IL17RA: variants seen among roughly 807,000 people sequenced by gnomAD.
IL17RA encodes interleukin 17 receptor A.
IL17RA carries 34 observed loss-of-function variants against 50.4 expected under a neutral mutation model. The observed-to-expected ratio is 0.67, with a 90% CI of 0.51 to 0.90. The LOEUF (loss-of-function observed/expected upper bound fraction) is 0.90. Among genes scored for constraint, IL17RA ranks in the 40% least tolerant of loss-of-function variants. The probability of loss-of-function intolerance (pLI) is 0.00; values close to 1 mark genes in which losing one functional copy is unlikely to be tolerated. For synonymous variants in IL17RA, 585 were observed against 510.4 expected, an observed-to-expected ratio of 1.15 and a Z score of -1.97; for missense variants, 1,276 against 1,169.8, an observed-to-expected ratio of 1.09 and a Z score of -1.32.
intron 7 of IL17RA, 101 bp from the exon 8 acceptor site, chr22:17,103,393 G>T: frequency 1.1e-6 from 1 of 893,570 alleles, no homozygotes; most frequent in Non-Finnish European, 1.8e-6. Context: ...TTCCTAAGGG[G>T]TGCTCTGGAC....
At position 17,087,437 on chromosome 22, in the gene IL17RA, C is replaced by T. The variant is rs763789793; in HGVS notation, c.138+2208C>T. On this transcript the variant is annotated intron_variant, in intron 1 of 12. Transcript: ENST00000319363. ...GTTCGATTTAGCCTTCCATAACTAT[C>T]CTCAGACAGGGAGGAGGCTTCTGCA... 1.8e-3 allele frequency among the ~76,000 whole-genome samples: 270 copies of T among 152,358 alleles called. 2 individuals are homozygous for T. Among genetic ancestry groups the T allele is most frequent in the Non-Finnish European group, 1.9e-3 (128 of 68,034 alleles).
In IL17RA at chr22:17,100,416, A is replaced by G; in HGVS notation, c.485A>G (p.His162Arg). The change falls in exon 5 of 13, where the codon CAC becomes CGC. Residue 162 changes from histidine (H) to arginine (R), a missense_variant. Physicochemically the swap from His to Arg is conservative, Grantham distance 29. Transcript: ENST00000319363. ...DPDQEYEVTVHHLPKPIPDGD... is the reference protein window; with the variant it reads ...DPDQEYEVTVRHLPKPIPDGD... Reference sequence around the variant, plus strand: ...GACCAGGAATATGAGGTGACCGTTCACCACCTGCCCAAGCCCATCCCTGAT... The same window carrying G: ...GACCAGGAATATGAGGTGACCGTTCGCCACCTGCCCAAGCCCATCCCTGAT... The G allele has an allele frequency of 6.2e-7, 1 of 1,614,104 alleles. No individual in the cohort carries two copies. The highest frequency in any genetic ancestry group is 8.5e-7 in the Non-Finnish European group (1 of 1,180,002).
chr22:17,093,452 C>T (rs1213091100), intron 1 of IL17RA, among the ~76,000 whole-genome samples: 6 of 152,190 alleles, frequency 3.9e-5, no homozygotes, highest in Admixed American at 2.0e-4. Context: ...CTGAGGGGCC[C>T]CTGGCCTCCT....
chr22:17,100,787 G>C (rs2061388248), intron 5 of IL17RA, among the ~76,000 whole-genome samples: 1 of 152,136 alleles, frequency 6.6e-6, no homozygotes, highest in Non-Finnish European at 1.5e-5. Flanking sequence ...CCAGAAAATA[G>C]CATAAAGGCA....
chr22:17,101,363 G>A lies in IL17RA; in HGVS notation c.551-633G>A, dbSNP rs41518045. 2.1e-3 allele frequency among the ~76,000 whole-genome samples: 321 copies of A among 152,272 alleles called. 1 individual carries two copies. The highest frequency in any genetic ancestry group is 6.3e-3 in the African/African-American group (260 of 41,548). ...TCCTGGGACCACCCTGCACACACGC[G>A]TGCACACACACTCTGTGCTTACCCT... is the stretch of plus-strand genomic sequence containing the variant. On this transcript the variant is annotated intron_variant, in intron 5 of 12. Coordinates refer to ENST00000319363, the MANE Select transcript of IL17RA (RefSeq NM_014339.7).
Position 17,109,690 on chromosome 22 carries a change from C to G in IL17RA, c.2471C>G (p.Pro824Arg), listed in dbSNP as rs749236026. The change falls in exon 13 of 13, where the codon CCG (proline) becomes CGG (arginine). Residue 824 changes from proline to arginine, a missense_variant. Physicochemically the swap from Pro to Arg is moderately radical, Grantham distance 103. Coordinates refer to ENST00000319363, the MANE Select transcript of IL17RA (RefSeq NM_014339.7). ...EEEEEQDPGK[P>R]ALPLSPEDLE... ...GAAGAGGAGCAGGACCCAGGGAAGC[C>G]GGCCCTGCCACTCTCTCCCGAGGAC... The G allele has an allele frequency of 6.3e-7, 1 of 1,578,048 alleles. No individual in the cohort carries two copies. The highest frequency in any genetic ancestry group is 2.3e-5 in the East Asian group (1 of 43,194).
intron 12 of IL17RA, 96 bp downstream of exon 12, chr22:17,107,864 C>A: frequency 1.8e-6 from 2 of 1,091,258 alleles, no homozygotes; most frequent in South Asian, 1.3e-5. Context: ...CTCTAACTCC[C>A]AAGTCCCTTC....
intron 5 of IL17RA, 141 bp downstream of exon 5, chr22:17,100,622 G>A: frequency 9.2e-7 from 1 of 1,083,736 alleles, no homozygotes; most frequent in Non-Finnish European, 1.4e-6. Context: ...ACAAACAGAG[G>A]CCAAGACTGG....
chr22:17,114,225 G>C lies in IL17RA; in HGVS notation c.*4405G>C, dbSNP rs1248188976. The C allele has an allele frequency of 6.6e-6, 1 of 152,226 alleles. No homozygotes were observed. Among genetic ancestry groups the C allele is most frequent in the Non-Finnish European group, 1.5e-5 (1 of 68,108 alleles). 9.4% of individuals were successfully genotyped at this position (152,226 alleles called of 1,614,324 possible). A position where few individuals can be genotyped will look rare whatever the true frequency, so the allele number is the denominator to read the frequency against. On this transcript the variant is annotated 3_prime_UTR_variant, in exon 13 of 13. Transcript: ENST00000319363. ...ATTCTGTACCCGACGCTTTCCCCACGGGGCCTCCCCTCACTCTGAAATGGC... is the reference window on the plus strand; with the variant it reads ...ATTCTGTACCCGACGCTTTCCCCACCGGGCCTCCCCTCACTCTGAAATGGC...
At chr22:17,100,274 T>C in intron 4 of IL17RA, 81 bp from the exon 5 acceptor site, 3 of 1,553,446 alleles carry the variant, frequency 1.9e-6, no homozygotes, top group Non-Finnish European at 2.7e-6. Flanking sequence ...CGGGAGTGGG[T>C]GGGAACGGGG....
Position 17,107,764 on chromosome 22 carries a change from C to A in IL17RA, c.1083C>A (p.Tyr361Ter). ...AAAAATACAGTGATGACACCAAATA[C>A]ACCGGTCAGTATTTCCTGGTTTGCA... Reference protein sequence around the residue: ...GSEKYSDDTKYTDGLPAADLI... With the variant: ...GSEKYSDDTK The change falls in exon 12 of 13, where the codon TAC becomes TAA. Residue 361 changes from tyrosine (Y) to a stop codon, truncating the protein, a stop_gained. Transcript: ENST00000319363. LOFTEE classifies it low-confidence loss of function (END_TRUNC). 6.2e-7 allele frequency: 1 copy of A among 1,613,560 alleles called. No individual in the cohort carries two copies. The highest frequency in any genetic ancestry group is 8.5e-7 in the Non-Finnish European group (1 of 1,179,430).
At position 17,088,440 on chromosome 22, in the gene IL17RA, TC is replaced by T. The variant is rs1347339195; in HGVS notation, c.138+3214del. Among the ~76,000 whole-genome samples, 3 of 152,176 alleles carry T rather than the reference TC, an allele frequency of 2.0e-5. No individual in the cohort carries two copies. The South Asian group carries it at 6.2e-4, about 32-fold the overall frequency. Reference sequence around the variant, plus strand: ...TTCAAGCAATTCTTGTGCCTCAGCCTCCCGAGTCATTGGGATTACAGGCGCC... The same window carrying T: ...TTCAAGCAATTCTTGTGCCTCAGCCTCCGAGTCATTGGGATTACAGGCGCC... On this transcript the variant is annotated intron_variant, in intron 1 of 12. Coordinates refer to ENST00000319363, the MANE Select transcript of IL17RA (RefSeq NM_014339.7).
At chr22:17,093,428 A>G (rs1412666690) in intron 1 of IL17RA, among the ~76,000 whole-genome samples, 3 of 152,192 alleles carry the variant, frequency 2.0e-5, no homozygotes, top group Non-Finnish European at 4.4e-5. Flanking sequence ...CTAAGCCCTG[A>G]ACGTTATAAG....
intron 1 of IL17RA, among the ~76,000 whole-genome samples, chr22:17,096,347 A>G (rs2061368005): frequency 6.6e-6 from 1 of 152,176 alleles, no homozygotes; most frequent in African/African-American, 2.4e-5. Context: ...AGGGCCTGGC[A>G]TACTTTACCT....
chr22:17,086,905 G>A (rs1437981940), intron 1 of IL17RA, among the ~76,000 whole-genome samples: 1 of 152,224 alleles, frequency 6.6e-6, no homozygotes, highest in Non-Finnish European at 1.5e-5. Flanking sequence ...GCGGGGATGG[G>A]ACTCTGCTGT....
Position 17,100,390 on chromosome 22 carries a change from T to A in IL17RA, c.459T>A (p.Pro153=). 6.2e-7 allele frequency: 1 copy of A among 1,614,150 alleles called. No homozygotes were observed. The highest frequency in any genetic ancestry group is 8.5e-7 in the Non-Finnish European group (1 of 1,180,010). ...CCTTCAGCCACTTTGTGGTTGACCC[T>A]GACCAGGAATATGAGGTGACCGTTC... ...RFTFSHFVVD[P]DQEYEVTVHH... The change falls in exon 5 of 13, where the codon CCT becomes CCA. Residue 153 remains proline, a synonymous_variant. Transcript: ENST00000319363.
chr22:17,085,002 C>T lies in IL17RA; in HGVS notation c.-90C>T. 8.0e-7 allele frequency: 1 copy of T among 1,255,116 alleles called. No homozygotes were observed. 77.7% of individuals were successfully genotyped at this position (1,255,116 alleles called of 1,614,324 possible). On this transcript the variant is annotated 5_prime_UTR_variant, in exon 1 of 13. Coordinates refer to ENST00000319363, the MANE Select transcript of IL17RA (RefSeq NM_014339.7). The stretch of plus-strand genomic sequence containing the variant: ...CCGGAAGCGAGCAAAGTGGAGCCGA[C>T]TCGAACTCCACCGCGGAAAAGAAAG...
At chr22:17,096,324 G>A (rs531903505) in intron 1 of IL17RA, among the ~76,000 whole-genome samples, 126 of 152,204 alleles carry the variant, frequency 8.3e-4, no homozygotes, top group South Asian at 1.0e-3. Context: ...ACCTCGTCAC[G>A]ATCACCCGGA....
chr22:17,105,569 T>G (rs1263317640), intron 9 of IL17RA, 22 bp from the exon 10 acceptor site: 1 of 1,610,622 alleles, frequency 6.2e-7, no homozygotes, highest in East Asian at 2.2e-5. Flanking sequence ...TATTTTCCCT[T>G]TTTCCTCTGT....
Sources: allele counts gnomAD v4.1 joint callset (sites outside exome capture counted in the v4.1 genomes callset), GRCh38; gene constraint gnomAD v4.1.1; transcripts MANE v1.5; gene names NCBI Gene and HGNC (gene_info 2026-07-23, HGNC 2026-07-21).